Variants in GRIK4 observed in about 807,000 individuals in gnomAD.
GRIK4 encodes the protein glutamate ionotropic receptor kainate type subunit 4.
In GRIK4, 40 loss-of-function variants were observed where a neutral mutation model predicts 104.9. The observed-to-expected ratio is 0.38, with a 90% confidence interval of 0.30 to 0.50. The LOEUF (loss-of-function observed/expected upper bound fraction) is 0.50, where lower values mean the gene tolerates loss of function less well. GRIK4 is among the 20% of genes least tolerant of loss of function. The probability of loss-of-function intolerance (pLI) is 0.93; values close to 1 mark genes in which losing one functional copy is unlikely to be tolerated. For missense variants in GRIK4, 1,047 were observed against 1,308.1 expected (o/e 0.80, Z 3.08); for synonymous variants, 485 against 524.9 (o/e 0.92, Z 1.04).
At chr11:120,580,906 C>T (rs1160668148) in intron 1 of GRIK4, among the ~76,000 whole-genome samples, 1 of 152,208 alleles carries the variant, frequency 6.6e-6, no homozygotes, top group African/African-American at 2.4e-5. Context: ...GTTCCAGTTG[C>T]TTTGCATCCT....
intron 3 of GRIK4, among the ~76,000 whole-genome samples, chr11:120,796,844 G>A (rs1425097154): frequency 5.4e-5 from 6 of 110,848 alleles, no homozygotes; most frequent in Non-Finnish European, 2.0e-5. Context: ...GCCCTCTCGG[G>A]GTCGCCACGG....
chr11:120,534,969 C>A (rs976558756), intron 1 of GRIK4, among the ~76,000 whole-genome samples: 1 of 152,186 alleles, frequency 6.6e-6, no homozygotes, highest in Non-Finnish European at 1.5e-5. Context: ...TGATCCCGGG[C>A]AAACCTGATG....
intron 13 of GRIK4, among the ~76,000 whole-genome samples, chr11:120,938,898 G>A (rs866136232): frequency 5.9e-5 from 9 of 152,194 alleles, no homozygotes; most frequent in African/African-American, 2.2e-4. Flanking sequence ...GGAAGTCTGG[G>A]ATGAGACTCA....
At chr11:120,711,004 G>GGGC (rs1555046791) in intron 3 of GRIK4, among the ~76,000 whole-genome samples, 2 of 149,824 alleles carry the variant, frequency 1.3e-5, no homozygotes, top group Non-Finnish European at 2.9e-5. Flanking sequence ...AGGTGGGGAG[G>GGGC]GGGTGTGAGC....
chr11:120,855,783 G>T lies in GRIK4; in HGVS notation c.745-6176G>T, dbSNP rs887642721. Reference sequence around the variant, plus strand: ...TCACCATATTGGCCAGGCTGGTCCCGGACTCCTGACTCCAGGTAATGCCCC... The same window carrying T: ...TCACCATATTGGCCAGGCTGGTCCCTGACTCCTGACTCCAGGTAATGCCCC... On this transcript the variant is annotated intron_variant, in intron 8 of 20. Transcript: ENST00000527524. 3.9e-5 allele frequency among the ~76,000 whole-genome samples: 6 copies of T among 152,178 alleles called. No homozygotes were observed. In the East Asian group the frequency reaches 1.2e-3, roughly 29 times the overall value.
At chr11:120,822,087 T>C (rs1274397429) in intron 6 of GRIK4, among the ~76,000 whole-genome samples, 1 of 151,826 alleles carries the variant, frequency 6.6e-6, no homozygotes, top group Non-Finnish European at 1.5e-5. Context: ...GGTACGCGCC[T>C]GTAATCCCAG....
At chr11:120,619,646 A>G (rs1162947951) in intron 1 of GRIK4, among the ~76,000 whole-genome samples, 5 of 152,128 alleles carry the variant, frequency 3.3e-5, no homozygotes, top group African/African-American at 1.2e-4. Flanking sequence ...TTCTTGTGAC[A>G]GTGAGTGAGT....
At chr11:120,912,865 C>G (rs572393928) in intron 13 of GRIK4, among the ~76,000 whole-genome samples, 2 of 152,064 alleles carry the variant, frequency 1.3e-5, no homozygotes, top group African/African-American at 4.8e-5. Flanking sequence ...AAAAGGTAGG[C>G]GGGATGGAGG....
chr11:120,898,473 G>C, intron 11 of GRIK4, 59 bp from the exon 12 acceptor site: 2 of 960,582 alleles, frequency 2.1e-6, no homozygotes, highest in Non-Finnish European at 3.4e-6. Flanking sequence ...CAGCCTCTTG[G>C]CTCCTTCCAG....
chr11:120,985,417 G>A (rs1280538141), intron 20 of GRIK4, among the ~76,000 whole-genome samples: 1 of 152,158 alleles, frequency 6.6e-6, no homozygotes, highest in Non-Finnish European at 1.5e-5. Flanking sequence ...TAACCAGTTG[G>A]CTAAAAGAAA....
intron 1 of GRIK4, among the ~76,000 whole-genome samples, chr11:120,553,446 G>T (rs1265663407): frequency 6.6e-6 from 1 of 152,230 alleles, no homozygotes; most frequent in African/African-American, 2.4e-5. Context: ...ATTTTCAGAG[G>T]AGAAGTGGGG....
At chr11:120,864,925 T>G (rs113458748) in intron 9 of GRIK4, among the ~76,000 whole-genome samples, 2,032 of 152,318 alleles carry the variant, frequency 0.013, 46 homozygotes, top group African/African-American at 0.046. Context: ...CCGTGTGATC[T>G]GAGGTAGTGA....
At chr11:120,909,399 C>T (rs1038625391) in intron 13 of GRIK4, among the ~76,000 whole-genome samples, 1 of 152,176 alleles carries the variant, frequency 6.6e-6, no homozygotes, top group African/African-American at 2.4e-5. Flanking sequence ...CAATTGTCAA[C>T]AGCTGAGAGT....
rs1478641840 is a variant in GRIK4, at chr11:120,947,648, T to C, written c.1591-5207T>C. 2.0e-5 allele frequency among the ~76,000 whole-genome samples: 3 copies of C among 152,214 alleles called. No individual in the cohort carries two copies. The East Asian group carries it at 5.8e-4, about 29-fold the overall frequency. On this transcript the variant is annotated intron_variant, in intron 14 of 20. Transcript: ENST00000527524. ...CTAAGTAACATGATAGCCCATATAA[T>C]GGAAATATGGATCCCTGAATGTATA...
In GRIK4 at chr11:120,956,829, T is replaced by G. The variant is rs1944163648; in HGVS notation, c.1750T>G (p.Cys584Gly). ...CCCACACCCATGTGCCCAGGGCCGG[T>G]GCAACCTCCTGGTGAACCAGTACTC... ...YSPHPCAQGR[C>G]NLLVNQYSLG... The change falls in exon 16 of 21, where the codon TGC (cysteine) becomes GGC (glycine). Residue 584 changes from cysteine to glycine, a missense_variant. Cys to Gly is a radical substitution (Grantham distance 159). Around this residue, in one of 3 missense-constraint regions of GRIK4, gnomAD observed 440 missense variants for 652.3 expected, o/e 0.67. Transcript: ENST00000527524. This position sits in a 1 kb window ranked among gnomAD's most constrained non-coding sequence, Gnocchi z 4.6. 6 of 1,613,752 alleles carry G rather than the reference T, an allele frequency of 3.7e-6. No homozygotes were observed. The highest frequency in any genetic ancestry group is 5.1e-6 in the Non-Finnish European group (6 of 1,179,898).
chr11:120,683,461 A>C (rs1950228765), intron 3 of GRIK4, among the ~76,000 whole-genome samples: 2 of 152,192 alleles, frequency 1.3e-5, no homozygotes, highest in Non-Finnish European at 1.5e-5. Context: ...ATTGTAAAAC[A>C]TCCAAGTATA....
At chr11:120,856,990 C>T (rs899824247) in intron 8 of GRIK4, among the ~76,000 whole-genome samples, 4 of 152,296 alleles carry the variant, frequency 2.6e-5, no homozygotes, top group South Asian at 2.1e-4. Context: ...CCAACCTTTC[C>T]CTTATCCCTC....
chr11:120,574,148 C>T (rs913935705), intron 1 of GRIK4, among the ~76,000 whole-genome samples: 4 of 152,216 alleles, frequency 2.6e-5, no homozygotes, highest in African/African-American at 9.6e-5. Flanking sequence ...CACACCTCCT[C>T]CCACGTGCCA....
chr11:120,946,760 G>C (rs1423840656), intron 14 of GRIK4, among the ~76,000 whole-genome samples: 3 of 152,144 alleles, frequency 2.0e-5, no homozygotes, highest in Non-Finnish European at 4.4e-5. Flanking sequence ...ATGTTGCAGG[G>C]GGCATTGAAA....
Sources: gnomAD v4.1 joint callset for allele counts (sites outside exome capture counted in the v4.1 genomes callset) on GRCh38, gnomAD v4.1.1 for gene constraint, gnomAD v4.1.1 regional missense constraint, Gnocchi (gnomAD v3.1) non-coding constraint, MANE v1.5 for transcripts, NCBI Gene and HGNC (gene_info 2026-07-23, HGNC 2026-07-21) for gene names.